ENAH: variants seen among roughly 807,000 people sequenced by gnomAD.
The protein encoded by ENAH is ENAH actin regulator.
A neutral mutation model predicts 78.7 loss-of-function variants in ENAH; 23 were observed. That is an observed-to-expected ratio of 0.29 (90% CI 0.21 to 0.41). ENAH has a LOEUF of 0.41. Among genes scored for constraint, ENAH ranks in the 10% least tolerant of loss-of-function variants. ENAH has a pLI of 1.00. For missense variants in ENAH, 544 were observed against 691.0 expected (o/e 0.79, Z 2.39); for synonymous variants, 226 against 241.0 (o/e 0.94, Z 0.58).
At chr1:225,519,000 C>T (rs2096444183) in intron 5 of ENAH, 198 bp downstream of exon 5, 1 of 856,064 alleles carries the variant, frequency 1.2e-6, no homozygotes, top group Admixed American at 3.2e-5. Flanking sequence ...TTCTTTAAGT[C>T]TCCAAGCAAT....
At chr1:225,544,011 C>T (rs1053833108) in intron 3 of ENAH, among the ~76,000 whole-genome samples, 1 of 152,150 alleles carries the variant, frequency 6.6e-6, no homozygotes, top group Non-Finnish European at 1.5e-5. Flanking sequence ...AAAGCACAGC[C>T]GAGATTAAGC....
Position 225,632,768 on chromosome 1 carries a change from G to T in ENAH, c.5+19918C>A, listed in dbSNP as rs994381251. ...GGGTTCAACTATTCTTTAAAGGAAT[G>T]GCGCAGACGCCCCCCAGGGCTCACA... On this transcript the variant is annotated intron_variant, in intron 1 of 13. Transcript: ENST00000366843. Among the ~76,000 whole-genome samples, 6 of 152,314 alleles carry T rather than the reference G, an allele frequency of 3.9e-5. 1 individual carries two copies. The South Asian group carries it at 1.2e-3, about 32-fold the overall frequency.
At chr1:225,644,178 A>T (rs937041297) in intron 1 of ENAH, among the ~76,000 whole-genome samples, 2 of 152,156 alleles carry the variant, frequency 1.3e-5, no homozygotes, top group African/African-American at 4.8e-5. Context: ...CATTTCATAA[A>T]TAAATGTTTT....
At position 225,494,279 on chromosome 1, in the gene ENAH, A is replaced by G. The variant is rs1216377108; in HGVS notation, c.*3496T>C. On this transcript the variant is annotated 3_prime_UTR_variant, in exon 14 of 14. Transcript: ENST00000366843. ...TCAGAATTATAAAATGGAACTCAAA[A>G]TTAATACTTTATAATAGAGAAAAAG... 1 of 152,106 alleles carries G rather than the reference A, an allele frequency of 6.6e-6. No homozygotes were observed. The highest frequency in any genetic ancestry group is 1.5e-5 in the Non-Finnish European group (1 of 67,994). 9.4% of individuals were successfully genotyped at this position (152,106 alleles called of 1,614,324 possible).
chr1:225,513,081 T>C (rs922684999), intron 7 of ENAH, 65 bp from the exon 8 acceptor site: 7 of 1,377,970 alleles, frequency 5.1e-6, no homozygotes, highest in Non-Finnish European at 6.8e-6. Flanking sequence ...ATTAATATAT[T>C]ACATCTAAAA....
chr1:225,564,382 A>G (rs2151491384), intron 2 of ENAH, among the ~76,000 whole-genome samples: 1 of 151,520 alleles, frequency 6.6e-6, no homozygotes, highest in South Asian at 2.1e-4. Context: ...CTCCGCTCCC[A>G]GGTACAAGCG....
rs926062146 is a variant in ENAH, at chr1:225,574,919, A to T, written c.6-7505T>A. Among the ~76,000 whole-genome samples the T allele has an allele frequency of 7.7e-3, 23 of 2,986 alleles. 2 individuals carry two copies. Among genetic ancestry groups the T allele is most frequent in the Non-Finnish European group, 0.012 (20 of 1,690 alleles). 2.0% of individuals were successfully genotyped at this position (2,986 alleles called of 152,430 possible). A position where few individuals can be genotyped will look rare whatever the true frequency, so the allele number is the denominator to read the frequency against. On this transcript the variant is annotated intron_variant, in intron 1 of 13. Transcript: ENST00000366843. ...CCGTCTCAAAAAAAAAAAAAAAAAAAATATATATATATAAAAAAAAAAAAA... is the reference window on the plus strand; with the variant it reads ...CCGTCTCAAAAAAAAAAAAAAAAAATATATATATATATAAAAAAAAAAAAA...
At chr1:225,532,205 G>C (rs775264928) in intron 3 of ENAH, among the ~76,000 whole-genome samples, 1 of 152,074 alleles carries the variant, frequency 6.6e-6, no homozygotes, top group African/African-American at 2.4e-5. Flanking sequence ...ATACTTTACA[G>C]AGAAAAGACC....
intron 1 of ENAH, among the ~76,000 whole-genome samples, chr1:225,588,974 T>C (rs752713034): frequency 2.6e-5 from 4 of 152,126 alleles, no homozygotes; most frequent in Non-Finnish European, 5.9e-5. Context: ...CACCCAAAGA[T>C]TCATCAGAAA....
At position 225,519,572 on chromosome 1, in the gene ENAH, A is replaced by G. The variant is rs756141475; in HGVS notation, c.435-7T>C. 9 of 1,341,334 alleles carry G rather than the reference A, an allele frequency of 6.7e-6. No individual in the cohort carries two copies. The highest frequency in any genetic ancestry group is 1.4e-5 in the South Asian group (1 of 73,360). The allele number at this position is 1,341,334 out of a possible 1,614,324, so 83.1% of individuals were successfully genotyped here. On this transcript the variant is annotated splice_region_variant and splice_polypyrimidine_tract_variant and intron_variant, in intron 4 of 13. Transcript: ENST00000366843. The stretch of plus-strand genomic sequence containing the variant: ...TTGCTGTTCTTGTAGTTGTCTGGAA[A>G]AAAAAAAAAAAAAGTAAAAACATGC...
upstream of ENAH, chr1:225,653,238 G>A (rs1663388542): frequency 6.6e-6 from 1 of 150,994 alleles, no homozygotes; most frequent in Non-Finnish European, 1.5e-5. This position sits in a 1 kb window ranked among gnomAD's most constrained non-coding sequence, Gnocchi z 4.3. Context: ...GGGGAGGGGA[G>A]GAAAGGGGAG....
intron 9 of ENAH, 132 bp from the exon 10 acceptor site, chr1:225,511,991 C>G (rs1354528770): frequency 1.8e-6 from 1 of 547,530 alleles, no homozygotes; most frequent in African/African-American, 1.9e-5. Context: ...TCTTCTCTCC[C>G]TTTCATTTCA....
At chr1:225,641,082 C>T (rs1660969872) in intron 1 of ENAH, among the ~76,000 whole-genome samples, 1 of 151,718 alleles carries the variant, frequency 6.6e-6, no homozygotes, top group Non-Finnish European at 1.5e-5. Flanking sequence ...CCAGGATGGT[C>T]TCAATATCCT....
intron 1 of ENAH, among the ~76,000 whole-genome samples, chr1:225,646,315 G>A (rs116484615): frequency 0.011 from 1,678 of 152,086 alleles, 10 homozygotes; most frequent in Non-Finnish European, 0.019. Context: ...ATAAGCACAG[G>A]GCCCTAATTC....
At chr1:225,631,734 A>G (rs1474794799) in intron 1 of ENAH, among the ~76,000 whole-genome samples, 2 of 152,182 alleles carry the variant, frequency 1.3e-5, no homozygotes, top group African/African-American at 2.4e-5. Context: ...GTACCAGCAA[A>G]AAGTGCCAGT....
intron 4 of ENAH, among the ~76,000 whole-genome samples, chr1:225,527,848 C>T (rs968944775): frequency 6.6e-6 from 1 of 152,130 alleles, no homozygotes. Flanking sequence ...GCACCTCCTC[C>T]GTGAACCTCC....
chr1:225,629,484 G>A (rs1399980555), intron 1 of ENAH, among the ~76,000 whole-genome samples: 16 of 150,472 alleles, frequency 1.1e-4, no homozygotes, highest in Admixed American at 1.1e-3. Flanking sequence ...CTACTCGGGA[G>A]GCTGAGGTAG....
chr1:225,635,819 A>C (rs1659963646), intron 1 of ENAH, among the ~76,000 whole-genome samples: 1 of 152,238 alleles, frequency 6.6e-6, no homozygotes, highest in Admixed American at 6.5e-5. Flanking sequence ...CAGAAGCATG[A>C]GACTGAAGTG....
intron 10 of ENAH, among the ~76,000 whole-genome samples, chr1:225,510,421 C>T (rs776263242): frequency 3.9e-5 from 6 of 152,066 alleles, no homozygotes; most frequent in Middle Eastern, 3.4e-3. Flanking sequence ...AAATATGGTT[C>T]GGATTTACAA....
Sources: gnomAD v4.1 joint callset for allele counts (sites outside exome capture counted in the v4.1 genomes callset) on GRCh38, gnomAD v4.1.1 for gene constraint, Gnocchi (gnomAD v3.1) non-coding constraint, MANE v1.5 for transcripts, NCBI Gene and HGNC (gene_info 2026-07-23, HGNC 2026-07-21) for gene names.